The following SLC25A43 variants were observed in gnomAD, a reference collection of about 807,000 sequenced individuals.
SLC25A43 encodes solute carrier family 25, member 43.
A neutral mutation model predicts 22.8 loss-of-function variants in SLC25A43; 10 were observed. The ratio of observed to expected loss-of-function variants is 0.44; its 90% CI spans 0.27 to 0.74. The LOEUF is 0.74. Ranked by LOEUF, SLC25A43 falls within the 30% of genes least tolerant of loss-of-function variation. SLC25A43 has a pLI of 0.17. For synonymous variants in SLC25A43, 106 were observed against 121.6 expected, an observed-to-expected ratio of 0.87 and a Z score of 0.84; for missense variants, 233 against 279.1, an observed-to-expected ratio of 0.83 and a Z score of 1.18.
chrX:119,418,604 T>C (rs189883869), intron 3 of SLC25A43, among the ~76,000 whole-genome samples: 13 of 112,717 alleles, frequency 1.2e-4, no homozygotes, highest in Admixed American at 1.1e-3. Flanking sequence ...TCAGAAGTCT[T>C]GTTTAACCAG....
chrX:119,451,710 G>A (rs775454407), intron 3 of SLC25A43: 1 of 605,259 alleles, frequency 1.7e-6, no homozygotes, highest in African/African-American at 2.4e-5. Flanking sequence ...TGTTTATCAT[G>A]TCCAGAAGGC....
chrX:119,449,107 G>A lies in SLC25A43; in HGVS notation c.691-2902G>A, dbSNP rs144996271. On this transcript the variant is annotated intron_variant, in intron 3 of 4. Coordinates refer to ENST00000217909, the MANE Select transcript of SLC25A43 (RefSeq NM_145305.3). ...GTCTGAATTGGAATTTTAGAAATGC[G>A]TTCTGGCTGTAGTATAAAGAATGAG... Among the ~76,000 whole-genome samples the A allele has an allele frequency of 9.9e-3, 1,094 of 110,268 alleles. 16 individuals are homozygous for A. The highest frequency in any genetic ancestry group is 0.096 in the South Asian group (246 of 2,559).
intron 3 of SLC25A43, among the ~76,000 whole-genome samples, chrX:119,432,112 C>CA (rs751051302): frequency 1.5e-3 from 116 of 79,863 alleles, no homozygotes; most frequent in East Asian, 7.2e-3. Flanking sequence ...GAGATCGCTC[C>CA]AAAAAAAAAA....
chrX:119,401,778 G>A (rs780231481), intron 1 of SLC25A43, among the ~76,000 whole-genome samples: 4 of 110,331 alleles, frequency 3.6e-5, no homozygotes, highest in Admixed American at 2.9e-4. Context: ...GGAAATGATC[G>A]TCACATCGTG....
intron 3 of SLC25A43, among the ~76,000 whole-genome samples, chrX:119,444,606 G>A (rs893647656): frequency 9.1e-6 from 1 of 109,400 alleles, no homozygotes; most frequent in African/African-American, 3.3e-5. Context: ...GGGAGGCTGA[G>A]GCAGGAGAAT....
intron 3 of SLC25A43, among the ~76,000 whole-genome samples, chrX:119,411,826 C>G (rs1179412580): frequency 4.5e-5 from 5 of 111,455 alleles, no homozygotes; most frequent in African/African-American, 1.6e-4. Flanking sequence ...GGCACATGTT[C>G]ACCTACGTAA....
chrX:119,425,901 C>T (rs766612624), intron 3 of SLC25A43, among the ~76,000 whole-genome samples: 1 of 111,461 alleles, frequency 9.0e-6, no homozygotes, highest in South Asian at 3.8e-4. Context: ...CTGTCCTCTT[C>T]CCCTGACCTG....
intron 1 of SLC25A43, among the ~76,000 whole-genome samples, chrX:119,401,219 C>A (rs2052235016): frequency 9.0e-6 from 1 of 111,297 alleles, no homozygotes; most frequent in East Asian, 2.8e-4. Context: ...GACTCCAAAT[C>A]TCATAGTCTT....
At chrX:119,430,045 G>A (rs909167693) in intron 3 of SLC25A43, among the ~76,000 whole-genome samples, 2 of 112,277 alleles carry the variant, frequency 1.8e-5, no homozygotes, top group Non-Finnish European at 3.8e-5. Context: ...GCAGAATCCA[G>A]TGTGCTCATC....
At chrX:119,412,292 T>C (rs2052356886) in intron 3 of SLC25A43, among the ~76,000 whole-genome samples, 1 of 112,195 alleles carries the variant, frequency 8.9e-6, no homozygotes, top group Non-Finnish European at 1.9e-5. Context: ...AATTTTTCTA[T>C]TCGTTGGTAA....
intron 3 of SLC25A43, among the ~76,000 whole-genome samples, chrX:119,447,302 A>G (rs1312097078): frequency 1.9e-5 from 2 of 106,071 alleles, no homozygotes; most frequent in Non-Finnish European, 1.9e-5. Flanking sequence ...CCACCATCCA[A>G]TAAACTTCTC....
chrX:119,410,146 T>C (rs201562045), intron 2 of SLC25A43, 44 bp from the exon 3 acceptor site: 124 of 1,186,476 alleles, frequency 1.0e-4, no homozygotes, highest in Non-Finnish European at 1.8e-5. Flanking sequence ...CAAGCCAGTG[T>C]TTTCCCAAGA....
intron 1 of SLC25A43, among the ~76,000 whole-genome samples, chrX:119,400,205 A>G (rs1365138985): frequency 9.1e-6 from 1 of 109,912 alleles, no homozygotes; most frequent in Non-Finnish European, 1.9e-5. Flanking sequence ...CATCTCCCCA[A>G]CTTAAATGAA....
chrX:119,427,448 C>T (rs1313932144), intron 3 of SLC25A43, among the ~76,000 whole-genome samples: 2 of 112,033 alleles, frequency 1.8e-5, no homozygotes, highest in Non-Finnish European at 3.8e-5. Flanking sequence ...GCCTTGCTGG[C>T]GGGCAGCTGC....
chrX:119,404,815 T>A (rs1413630581), intron 1 of SLC25A43, among the ~76,000 whole-genome samples: 3 of 101,684 alleles, frequency 3.0e-5, no homozygotes, highest in South Asian at 4.4e-4. Flanking sequence ...CGATAGCTGA[T>A]GAGCTAAAAA....
chrX:119,427,956 A>C (rs750814536), intron 3 of SLC25A43, among the ~76,000 whole-genome samples: 1 of 112,433 alleles, frequency 8.9e-6, no homozygotes, highest in East Asian at 2.8e-4. Context: ...TGCAACGAGT[A>C]TATGCTGAAA....
chrX:119,412,181 C>T (rs1422969779), intron 3 of SLC25A43, among the ~76,000 whole-genome samples: 1 of 111,633 alleles, frequency 9.0e-6, no homozygotes, highest in Non-Finnish European at 1.9e-5. Context: ...TCAAAGCTGC[C>T]ACTCCACTCC....
Position 119,451,840 on chromosome X carries a change from C to G in SLC25A43, c.691-169C>G, listed in dbSNP as rs754252802. ...TCATGATTGTATTGCACGTTAATAT[C>G]TGTTCTAAGCCCACAGAACAAGAAG... On this transcript the variant is annotated intron_variant, in intron 3 of 4. Coordinates refer to ENST00000217909, the MANE Select transcript of SLC25A43 (RefSeq NM_145305.3). 1.4e-4 allele frequency: 156 copies of G among 1,087,516 alleles called. No individual in the cohort carries two copies. In the South Asian group the frequency reaches 1.5e-3, roughly 11 times the overall value. The allele number at this position is 1,087,516 out of a possible 1,213,427, so 89.6% of individuals were successfully genotyped here. A position where few individuals can be genotyped will look rare whatever the true frequency, so the allele number is the denominator to read the frequency against.
intron 2 of SLC25A43, among the ~76,000 whole-genome samples, chrX:119,407,777 G>A (rs1348027222): frequency 9.0e-6 from 1 of 110,765 alleles, no homozygotes; most frequent in African/African-American, 3.3e-5. Flanking sequence ...TTCCTCCTGT[G>A]TTCCCTAATG....
Sources: allele counts gnomAD v4.1 joint callset (sites outside exome capture counted in the v4.1 genomes callset), GRCh38; gene constraint gnomAD v4.1.1; transcripts MANE v1.5; gene names NCBI Gene and HGNC (gene_info 2026-07-23, HGNC 2026-07-21).